Variants in SNX25 observed in about 807,000 individuals in gnomAD.
The protein encoded by SNX25 is sorting nexin 25.
In SNX25, 62 loss-of-function variants were observed where a neutral mutation model predicts 113.7. The observed-to-expected ratio is 0.55, with a 90% CI of 0.44 to 0.67. The LOEUF (loss-of-function observed/expected upper bound fraction) is 0.67. SNX25 is among the 30% of genes least tolerant of loss of function. The probability of loss-of-function intolerance (pLI) is 0.00; values close to 1 mark genes in which losing one functional copy is unlikely to be tolerated. For synonymous variants in SNX25, 421 were observed against 436.2 expected, an observed-to-expected ratio of 0.97 and a Z score of 0.43; for missense variants, 1,014 against 1,161.0, an observed-to-expected ratio of 0.87 and a Z score of 1.84.
chr4:185,261,825 G>A (rs1747377697), intron 3 of SNX25, among the ~76,000 whole-genome samples: 2 of 151,942 alleles, frequency 1.3e-5, no homozygotes, highest in African/African-American at 4.8e-5. Context: ...ACAAAATAAA[G>A]AAAAAAAATC....
rs768727402 is a variant in SNX25, at chr4:185,232,749, A to G, written c.430-14545A>G. On this transcript the variant is annotated intron_variant, in intron 1 of 18. Coordinates refer to ENST00000652585, the MANE Select transcript of SNX25 (RefSeq NM_001378034.2). This position sits in a 1 kb window ranked among gnomAD's most constrained non-coding sequence, Gnocchi z 4.4. ...TCTGGTTCCTTCAGCATTTATGTTC[A>G]GTGCTATCAGCGAGAACTATTATGA... Among the ~76,000 whole-genome samples, 31 of 152,330 alleles carry G rather than the reference A, an allele frequency of 2.0e-4. No individual in the cohort carries two copies. The highest frequency in any genetic ancestry group is 4.1e-4 in the Non-Finnish European group (28 of 68,026).
At chr4:185,240,419 G>C (rs1743606079) in intron 1 of SNX25, among the ~76,000 whole-genome samples, 1 of 149,324 alleles carries the variant, frequency 6.7e-6, no homozygotes, top group African/African-American at 2.5e-5. Context: ...CTCCCTCCCG[G>C]ATGGGGCGGC....
chr4:185,249,040 A>T (rs1478457167), intron 2 of SNX25, among the ~76,000 whole-genome samples: 1 of 152,208 alleles, frequency 6.6e-6, no homozygotes, highest in Non-Finnish European at 1.5e-5. Context: ...CAGCTATGAC[A>T]ATATGTTTAC....
chr4:185,217,126 G>C (rs3108289), intron 1 of SNX25, among the ~76,000 whole-genome samples: 6 of 151,868 alleles, frequency 4.0e-5, no homozygotes, highest in Non-Finnish European at 5.9e-5. Context: ...TGTGATTGGG[G>C]TGGACTTAAA....
intron 1 of SNX25, among the ~76,000 whole-genome samples, chr4:185,242,753 G>A (rs1191701205): frequency 6.6e-6 from 1 of 152,184 alleles, no homozygotes; most frequent in Non-Finnish European, 1.5e-5. Context: ...CAGAGAGGCA[G>A]GGGCCCCTGA....
intron 17 of SNX25, 138 bp downstream of exon 17, chr4:185,362,243 T>A (rs2095368357): frequency 4.3e-6 from 6 of 1,381,460 alleles, no homozygotes; most frequent in Non-Finnish European, 5.6e-6. Context: ...TTAAGCCATT[T>A]TTTGTCACTT....
At chr4:185,370,887 A>T, downstream of SNX25, 1 of 1,496,856 alleles carries the variant, frequency 6.7e-7, no homozygotes, top group Non-Finnish European at 9.3e-7. Flanking sequence ...ATGCGCCTAG[A>T]GACTGTCCTT....
At chr4:185,350,025 C>A (rs1310572074) in intron 13 of SNX25, among the ~76,000 whole-genome samples, 4 of 152,218 alleles carry the variant, frequency 2.6e-5, no homozygotes, top group African/African-American at 9.6e-5. Flanking sequence ...GGTTCAGGGA[C>A]AGGGAGGGCA....
chr4:185,290,613 G>C (rs1047711416), intron 6 of SNX25, among the ~76,000 whole-genome samples: 1 of 152,162 alleles, frequency 6.6e-6, no homozygotes, highest in Non-Finnish European at 1.5e-5. Flanking sequence ...TGCTTAATAC[G>C]AAATTTTAGC....
intron 1 of SNX25, among the ~76,000 whole-genome samples, chr4:185,246,998 T>C (rs1744950417): frequency 1.3e-5 from 2 of 152,216 alleles, no homozygotes; most frequent in African/African-American, 4.8e-5. Context: ...AATTATGTTC[T>C]TAATTTGCAC....
At chr4:185,208,923 A>G (rs1243714986), upstream of SNX25, among the ~76,000 whole-genome samples, 1 of 152,096 alleles carries the variant, frequency 6.6e-6, no homozygotes, top group Non-Finnish European at 1.5e-5. Flanking sequence ...GCAAATATAT[A>G]CTCTAAAAAT....
downstream of SNX25, among the ~76,000 whole-genome samples, chr4:185,372,421 A>C (rs1306198490): frequency 6.6e-6 from 1 of 152,246 alleles, no homozygotes; most frequent in East Asian, 1.9e-4. Flanking sequence ...AAGTTGCATT[A>C]GACACATTTC....
chr4:185,319,085 TATTTTA>T (rs1370154887), intron 7 of SNX25, among the ~76,000 whole-genome samples: 14 of 101,358 alleles, frequency 1.4e-4, no homozygotes, highest in African/African-American at 5.5e-4. Flanking sequence ...CCCTTTATTT[TATTTTA>T]TTTTTTTTAT....
chr4:185,282,808 A>G (rs1222133676), intron 5 of SNX25, among the ~76,000 whole-genome samples: 2 of 152,180 alleles, frequency 1.3e-5, no homozygotes, highest in Non-Finnish European at 2.9e-5. Flanking sequence ...ATCAAGGGAA[A>G]GCGTACAAAC....
At position 185,210,227 on chromosome 4, in the gene SNX25, C is replaced by G. The variant is rs1579289999; in HGVS notation, c.401C>G (p.Ala134Gly). 1 of 984,880 alleles carries G rather than the reference C, an allele frequency of 1.0e-6. No individual in the cohort carries two copies. Among genetic ancestry groups the G allele is most frequent in the East Asian group, 1.1e-4 (1 of 8,798 alleles). The allele number at this position is 984,880 out of a possible 1,614,324, so 61.0% of individuals were successfully genotyped here. ...DFAAAWSRLA[A>G]TSAARRPPGS... ...GCCGCCGCCTGGAGCCGGCTGGCCG[C>G]GACCTCAGCCGCCCGCCGCCCGCCG... Residue 134 changes from alanine (A) to glycine (G), a missense_variant, in exon 1 of 19, where the codon GCG becomes GGG. Coordinates refer to ENST00000652585, the MANE Select transcript of SNX25 (RefSeq NM_001378034.2). This position sits in a 1 kb window ranked among gnomAD's most constrained non-coding sequence, Gnocchi z 4.4.
chr4:185,347,458 CTTTTGTTTTG>C (rs528383809), intron 13 of SNX25, among the ~76,000 whole-genome samples: 1,632 of 150,906 alleles, frequency 0.011, 27 homozygotes, highest in Admixed American at 0.041. Context: ...TTTTTGTTTT[CTTTTGTTTTG>C]TTTTGTTTTG....
At chr4:185,245,879 T>TG (rs1312862862) in intron 1 of SNX25, among the ~76,000 whole-genome samples, 1 of 152,218 alleles carries the variant, frequency 6.6e-6, no homozygotes, top group Non-Finnish European at 1.5e-5. Context: ...TATAAAAACT[T>TG]GCGTTACTTC....
the SNX25 span, chr4:185,375,540 AAAT>A: frequency 4.0e-6 from 1 of 248,366 alleles, no homozygotes; most frequent in Admixed American, 6.2e-5. Context: ...ATTAAAATAT[AAAT>A]AATTTTAATT....
In SNX25 at chr4:185,231,690, G is replaced by A. The variant is rs1034009632; in HGVS notation, c.430-15604G>A. Among the ~76,000 whole-genome samples, 13 of 143,950 alleles carry A rather than the reference G, an allele frequency of 9.0e-5. No homozygotes were observed. The East Asian group carries it at 2.8e-3, about 31-fold the overall frequency. The allele number at this position is 143,950 out of a possible 152,430, so 94.4% of individuals were successfully genotyped here. On this transcript the variant is annotated intron_variant, in intron 1 of 18. Transcript: ENST00000652585. ...GGCGCCACTGCACTCCAGCCTGGGC[G>A]ACAGAGTGGGACTCCATCTTCAAAA...
Sources: allele counts gnomAD v4.1 joint callset (sites outside exome capture counted in the v4.1 genomes callset), GRCh38; gene constraint gnomAD v4.1.1; non-coding constraint Gnocchi (gnomAD v3.1); transcripts MANE v1.5; gene names NCBI Gene and HGNC (gene_info 2026-07-23, HGNC 2026-07-21).